Variants in PDE8A observed in about 807,000 individuals in gnomAD.
PDE8A encodes the protein phosphodiesterase 8A.
A neutral mutation model predicts 105.0 loss-of-function variants in PDE8A; 59 were observed. The ratio of observed to expected loss-of-function variants is 0.56; its 90% CI spans 0.46 to 0.70. The LOEUF (loss-of-function observed/expected upper bound fraction) is 0.70, where lower values mean the gene tolerates loss of function less well. Among genes scored for constraint, PDE8A ranks in the 30% least tolerant of loss-of-function variants. The pLI is 0.00. For missense variants in PDE8A, 1,014 were observed against 1,045.9 expected (o/e 0.97, Z 0.42); for synonymous variants, 355 against 371.9 (o/e 0.95, Z 0.52).
At chr15:85,069,023 A>C (rs2081273745) in intron 3 of PDE8A, among the ~76,000 whole-genome samples, 1 of 152,212 alleles carries the variant, frequency 6.6e-6, no homozygotes, top group Non-Finnish European at 1.5e-5. Flanking sequence ...TATGTACAAG[A>C]GAATGTTTTA....
chr15:85,056,584 C>T (rs1342814651), intron 1 of PDE8A, among the ~76,000 whole-genome samples: 1 of 152,200 alleles, frequency 6.6e-6, no homozygotes, highest in Non-Finnish European at 1.5e-5. Flanking sequence ...GATACCCCTT[C>T]TTCCACTTGA....
At chr15:85,014,218 C>T (rs2080287020) in intron 1 of PDE8A, among the ~76,000 whole-genome samples, 1 of 151,946 alleles carries the variant, frequency 6.6e-6, no homozygotes. Context: ...ATGATAATAG[C>T]TTAATGCAGC....
intron 1 of PDE8A, among the ~76,000 whole-genome samples, chr15:85,028,884 T>G (rs1301436949): frequency 6.6e-6 from 1 of 152,166 alleles, no homozygotes; most frequent in African/African-American, 2.4e-5. Context: ...TTTAATCTTC[T>G]TTTGCATGCA....
chr15:85,026,728 G>T (rs289396), intron 1 of PDE8A, among the ~76,000 whole-genome samples: 1 of 151,904 alleles, frequency 6.6e-6, no homozygotes, highest in Non-Finnish European at 1.5e-5. Context: ...GCAGTGAACT[G>T]TGATCATACC....
intron 1 of PDE8A, among the ~76,000 whole-genome samples, chr15:85,018,040 A>G (rs748457927): frequency 4.4e-4 from 67 of 152,184 alleles, no homozygotes; most frequent in Non-Finnish European, 6.6e-4. Flanking sequence ...AATATCCAGA[A>G]TAAGTATGGT....
At chr15:85,075,816 A>C in intron 3 of PDE8A, 46 bp from the exon 4 acceptor site, 4 of 1,085,732 alleles carry the variant, frequency 3.7e-6, no homozygotes, top group Non-Finnish European at 5.4e-6. Context: ...TTTGGTTTTT[A>C]AGGATTATTT....
rs545096530 is a variant in PDE8A, at chr15:85,138,913, A to C, written c.*1010A>C. ...TTCCTTATAAAAACAAAGAACAAAA[A>C]TTGAATATTTAATGAATTGACATTT... On this transcript the variant is annotated 3_prime_UTR_variant, in exon 22 of 22. Transcript: ENST00000394553. 13 of 152,252 alleles carry C rather than the reference A, an allele frequency of 8.5e-5. No homozygotes were observed. The highest frequency in any genetic ancestry group is 1.0e-4 in the Non-Finnish European group (7 of 68,040). 9.4% of individuals were successfully genotyped at this position (152,252 alleles called of 1,614,324 possible). A position where few individuals can be genotyped will look rare whatever the true frequency, so the allele number is the denominator to read the frequency against.
chr15:84,985,090 A>G (rs2079781166), intron 1 of PDE8A, among the ~76,000 whole-genome samples: 1 of 152,232 alleles, frequency 6.6e-6, no homozygotes, highest in Non-Finnish European at 1.5e-5. Context: ...TAGAGTGTGC[A>G]TCATTTCCTA....
intron 1 of PDE8A, among the ~76,000 whole-genome samples, chr15:84,991,378 A>G (rs964012477): frequency 1.3e-5 from 2 of 152,252 alleles, no homozygotes; most frequent in Non-Finnish European, 2.9e-5. Context: ...TAACTATATG[A>G]AAAGGTTTTC....
At chr15:85,034,095 A>G (rs575232341) in intron 1 of PDE8A, among the ~76,000 whole-genome samples, 1 of 152,332 alleles carries the variant, frequency 6.6e-6, no homozygotes, top group South Asian at 2.1e-4. Flanking sequence ...TCAGGCAGCC[A>G]GGCCAAAAGA....
intron 1 of PDE8A, among the ~76,000 whole-genome samples, chr15:85,051,279 T>C (rs1000431726): frequency 1.3e-5 from 2 of 152,212 alleles, no homozygotes; most frequent in Admixed American, 1.3e-4. Flanking sequence ...TTACTTCTTA[T>C]TTTCTATTTC....
Position 85,117,801 on chromosome 15 carries a change from C to T in PDE8A, c.1696C>T (p.His566Tyr). Residue 566 changes from histidine (H) to tyrosine (Y), a missense_variant, in exon 17 of 22, where the codon CAT (histidine) becomes TAT (tyrosine). By Grantham distance (83) the His-to-Tyr change is moderately conservative. Transcript: ENST00000394553. ...TTCTACACATTCTGCTGATGTGCTT[C>T]ATGCCACTGCCTATTTTCTCTCCAA... ...HNSTHSADVL[H>Y]ATAYFLSKER... The T allele has an allele frequency of 6.2e-7, 1 of 1,614,070 alleles. No individual in the cohort carries two copies. The highest frequency in any genetic ancestry group is 8.5e-7 in the Non-Finnish European group (1 of 1,179,942).
chr15:85,137,929 AG>A lies in PDE8A; in HGVS notation c.*27del. ...TGGGAGACACCACCCAGAGCCCTGAAGCTTTGTTCCTTCGGTCATTTGGAAT... is the reference window on the plus strand; with the variant it reads ...TGGGAGACACCACCCAGAGCCCTGAACTTTGTTCCTTCGGTCATTTGGAAT... On this transcript the variant is annotated 3_prime_UTR_variant, in exon 22 of 22. Coordinates refer to ENST00000394553, the MANE Select transcript of PDE8A (RefSeq NM_002605.3). The A allele has an allele frequency of 2.8e-6, 4 of 1,411,408 alleles. No homozygotes were observed. Among genetic ancestry groups the A allele is most frequent in the Non-Finnish European group, 4.0e-6 (4 of 996,180 alleles). The allele number at this position is 1,411,408 out of a possible 1,614,324, so 87.4% of individuals were successfully genotyped here. A position where few individuals can be genotyped will look rare whatever the true frequency, so the allele number is the denominator to read the frequency against.
At chr15:85,123,332 T>C (rs1388523495) in intron 19 of PDE8A, 139 bp downstream of exon 19, 1 of 509,478 alleles carries the variant, frequency 2.0e-6, no homozygotes, top group Non-Finnish European at 3.5e-6. Flanking sequence ...ACAGAACTAA[T>C]GGGATACACA....
intron 14 of PDE8A, among the ~76,000 whole-genome samples, chr15:85,114,511 A>G (rs2082065826): frequency 6.6e-6 from 1 of 152,178 alleles, no homozygotes; most frequent in Admixed American, 6.5e-5. Context: ...ATCTTTCACT[A>G]GAAGGGGGCT....
At chr15:85,034,033 G>T (rs965786222) in intron 1 of PDE8A, among the ~76,000 whole-genome samples, 9 of 152,158 alleles carry the variant, frequency 5.9e-5, no homozygotes, top group African/African-American at 2.2e-4. Context: ...AGAGTGGCCA[G>T]CCTTGCAACA....
chr15:85,002,583 C>T (rs1272388060), intron 1 of PDE8A, among the ~76,000 whole-genome samples: 2 of 152,240 alleles, frequency 1.3e-5, no homozygotes, highest in African/African-American at 4.8e-5. Context: ...CATTGGTTAT[C>T]AGCTCAACTC....
rs139704157 is a variant in PDE8A, at chr15:84,996,278, A to G, written c.186+13930A>G. On this transcript the variant is annotated intron_variant, in intron 1 of 21. Transcript: ENST00000394553. ...CTGCAGCCTCAAACTTTTGGACTCA[A>G]GTGATCCTCCCACCTTAGCCTCCTG... Among the ~76,000 whole-genome samples the G allele has an allele frequency of 9.9e-3, 1,506 of 152,114 alleles. 17 individuals carry two copies. Among genetic ancestry groups the G allele is most frequent in the Middle Eastern group, 0.068 (20 of 294 alleles).
At chr15:85,127,177 G>A (rs766407862) in intron 20 of PDE8A, among the ~76,000 whole-genome samples, 10 of 152,244 alleles carry the variant, frequency 6.6e-5, no homozygotes, top group Admixed American at 1.3e-4. Context: ...CAACCTGAGC[G>A]ACAAAGTGAG....
Sources: gnomAD v4.1 joint callset for allele counts (sites outside exome capture counted in the v4.1 genomes callset) on GRCh38, gnomAD v4.1.1 for gene constraint, MANE v1.5 for transcripts, NCBI Gene and HGNC (gene_info 2026-07-23, HGNC 2026-07-21) for gene names.